The following FOXN2 variants were observed in gnomAD, a reference collection of about 807,000 sequenced individuals.
FOXN2 encodes forkhead box N2.
In FOXN2, 19 loss-of-function variants were observed where a neutral mutation model predicts 41.2. The observed-to-expected ratio is 0.46, with a 90% CI of 0.32 to 0.68. The LOEUF (loss-of-function observed/expected upper bound fraction) is 0.68. FOXN2 is among the 30% of genes least tolerant of loss of function. The probability of loss-of-function intolerance (pLI) is 0.03; values close to 1 mark genes in which losing one functional copy is unlikely to be tolerated. For missense variants in FOXN2, 587 were observed against 509.4 expected (o/e 1.15, Z -1.47); for synonymous variants, 195 against 176.8 (o/e 1.10, Z -0.82).
At chr2:48,359,238 T>C in intron 4 of FOXN2, 91 bp downstream of exon 4, 2 of 865,104 alleles carry the variant, frequency 2.3e-6, no homozygotes, top group Non-Finnish European at 3.7e-6. Flanking sequence ...ATTATGTTTC[T>C]GTTTTATTGT....
chr2:48,365,102 C>T (rs72820433), intron 5 of FOXN2, among the ~76,000 whole-genome samples: 17,181 of 152,020 alleles, frequency 0.11, 1,392 homozygotes, highest in East Asian at 0.45. Flanking sequence ...TTTTCATAAC[C>T]TTTAAAAATA....
chr2:48,353,715 T>C (rs1029223674), intron 3 of FOXN2, among the ~76,000 whole-genome samples: 5 of 152,180 alleles, frequency 3.3e-5, no homozygotes, highest in African/African-American at 9.6e-5. Flanking sequence ...AACATTTGGG[T>C]TTCTAATTTT....
At chr2:48,362,414 A>T (rs1022734915) in intron 4 of FOXN2, among the ~76,000 whole-genome samples, 5 of 152,136 alleles carry the variant, frequency 3.3e-5, no homozygotes, top group African/African-American at 7.2e-5. Context: ...AAAAAAAATT[A>T]AAAAATTAGC....
chr2:48,347,370 G>A (rs571259473), intron 3 of FOXN2, among the ~76,000 whole-genome samples: 1 of 151,874 alleles, frequency 6.6e-6, no homozygotes, highest in East Asian at 1.9e-4. Flanking sequence ...TGGGACTACA[G>A]GTGTGTGCCA....
chr2:48,361,434 T>TGTCG (rs1672178250), intron 4 of FOXN2, among the ~76,000 whole-genome samples: 1 of 149,902 alleles, frequency 6.7e-6, no homozygotes, highest in African/African-American at 2.5e-5. Context: ...GCCACTGCTC[T>TGTCG]CCAGCCTGGG....
In FOXN2 at chr2:48,317,595, C is replaced by CTTTTTTTTTTTTTT. The variant is rs574980247; in HGVS notation, c.-157+2798_-157+2811dup. 3.7e-4 allele frequency among the ~76,000 whole-genome samples: 13 copies of CTTTTTTTTTTTTTT among 34,748 alleles called. 3 individuals carry two copies. Among genetic ancestry groups the CTTTTTTTTTTTTTT allele is most frequent in the African/African-American group, 5.2e-4 (6 of 11,522 alleles). The allele number at this position is 34,748 out of a possible 152,430, so 22.8% of individuals were successfully genotyped here. ...ACAATGCCTATAGCCTATAGTATTG[C>CTTTTTTTTTTTTTT]TTTTTTTTTTTTTTTTTTTTTTTTT... is the stretch of plus-strand genomic sequence containing the variant. On this transcript the variant is annotated intron_variant, in intron 1 of 6. Transcript: ENST00000340553.
At chr2:48,363,900 A>T (rs1280423132) in intron 5 of FOXN2, among the ~76,000 whole-genome samples, 1 of 152,212 alleles carries the variant, frequency 6.6e-6, no homozygotes, top group Non-Finnish European at 1.5e-5. Flanking sequence ...TATTCCCGTC[A>T]TTAAACAAAG....
rs1272933629 is a variant in FOXN2 at position 48,375,601 on chromosome 2, A to G, written c.*158A>G. On this transcript the variant is annotated 3_prime_UTR_variant, in exon 7 of 7. Transcript: ENST00000340553. The stretch of plus-strand genomic sequence containing the variant: ...TTGGTTTTTAAAATTTTTATTAAAC[A>G]ATTGCTGTTAGGATCATGCCTGATC... The G allele has an allele frequency of 3.0e-6, 2 of 677,178 alleles. No individual in the cohort carries two copies. The highest frequency in any genetic ancestry group is 3.0e-5 in the Admixed American group (1 of 33,518). The allele number at this position is 677,178 out of a possible 1,614,324, so 41.9% of individuals were successfully genotyped here.
chr2:48,317,325 T>G (rs1255311629), intron 1 of FOXN2, among the ~76,000 whole-genome samples: 1 of 151,876 alleles, frequency 6.6e-6, no homozygotes, highest in Non-Finnish European at 1.5e-5. Flanking sequence ...GGGGCATGCC[T>G]GTAGTCCCAG....
chr2:48,360,475 G>C (rs924938406), intron 4 of FOXN2, among the ~76,000 whole-genome samples: 2 of 152,146 alleles, frequency 1.3e-5, no homozygotes, highest in African/African-American at 4.8e-5. Flanking sequence ...ACTTGTAGAG[G>C]AGTGGTTGTA....
At chr2:48,329,356 A>T (rs963420837) in intron 2 of FOXN2, among the ~76,000 whole-genome samples, 9 of 151,840 alleles carry the variant, frequency 5.9e-5, no homozygotes, top group Non-Finnish European at 1.3e-4. Flanking sequence ...TGCCACACAT[A>T]TTTTTTTTCT....
intron 1 of FOXN2, among the ~76,000 whole-genome samples, chr2:48,319,399 G>A (rs1269561739): frequency 1.3e-5 from 2 of 151,850 alleles, no homozygotes; most frequent in African/African-American, 4.8e-5. Context: ...GAATGTTACT[G>A]GGAATGTTTT....
chr2:48,336,619 A>G (rs1254787871), intron 2 of FOXN2, among the ~76,000 whole-genome samples: 1 of 152,100 alleles, frequency 6.6e-6, no homozygotes, highest in Non-Finnish European at 1.5e-5. Flanking sequence ...ATCATTCCAA[A>G]GAAGGCAAAA....
intron 4 of FOXN2, among the ~76,000 whole-genome samples, chr2:48,361,013 CAAAA>C (rs10719302): frequency 7.9e-6 from 1 of 126,858 alleles, no homozygotes. Flanking sequence ...GACCCCATCT[CAAAA>C]AAAAAAAAAA....
intron 2 of FOXN2, among the ~76,000 whole-genome samples, chr2:48,331,480 T>C (rs11688481): frequency 7.2e-4 from 110 of 152,208 alleles, no homozygotes; most frequent in African/African-American, 2.5e-3. Context: ...CTATTCCTTA[T>C]TTGCTGTGGA....
intron 5 of FOXN2, among the ~76,000 whole-genome samples, chr2:48,368,792 G>A (rs1412920975): frequency 1.3e-5 from 2 of 152,168 alleles, no homozygotes; most frequent in African/African-American, 2.4e-5. Flanking sequence ...CAAAGTTCAA[G>A]ACTGTACCTT....
Position 48,346,851 on chromosome 2 carries a change from A to G in FOXN2, c.537+100A>G, listed in dbSNP as rs1368945389. 6.2e-6 allele frequency: 6 copies of G among 965,006 alleles called. No homozygotes were observed. In the Admixed American group the frequency reaches 1.4e-4, roughly 23 times the overall value. 59.8% of individuals were successfully genotyped at this position (965,006 alleles called of 1,614,324 possible). On this transcript the variant is annotated intron_variant, in intron 3 of 6. Transcript: ENST00000340553. ...AAATCGGGGAGACAATAAGTAGTCAAGTCAAATTACTTCAGCTGAACTGAA... is the reference window on the plus strand; with the variant it reads ...AAATCGGGGAGACAATAAGTAGTCAGGTCAAATTACTTCAGCTGAACTGAA...
intron 3 of FOXN2, among the ~76,000 whole-genome samples, chr2:48,358,454 A>C (rs1671950900): frequency 6.6e-6 from 1 of 152,204 alleles, no homozygotes; most frequent in South Asian, 2.1e-4. Context: ...TCACATAGCC[A>C]GTCAATAAGT....
At chr2:48,362,373 T>C (rs1031444670) in intron 4 of FOXN2, among the ~76,000 whole-genome samples, 2 of 152,112 alleles carry the variant, frequency 1.3e-5, no homozygotes, top group Non-Finnish European at 2.9e-5. Context: ...TGAGACTAGC[T>C]TGTACAACAT....
Sources: allele counts gnomAD v4.1 joint callset (sites outside exome capture counted in the v4.1 genomes callset), GRCh38; gene constraint gnomAD v4.1.1; transcripts MANE v1.5; gene names NCBI Gene and HGNC (gene_info 2026-07-23, HGNC 2026-07-21).